The following MDGA2 variants were observed in gnomAD, a reference collection of about 807,000 sequenced individuals.
MDGA2 encodes MAM domain-containing glycosylphosphatidylinositol anchor protein 2.
Under a neutral mutation model 117.8 loss-of-function variants are expected in MDGA2, and 40 were observed. That is an observed-to-expected ratio of 0.34 (90% CI 0.26 to 0.44). MDGA2 has a LOEUF of 0.44. Ranked by LOEUF, MDGA2 falls within the 20% of genes least tolerant of loss-of-function variation. The probability of loss-of-function intolerance (pLI) is 1.00; values close to 1 mark genes in which losing one functional copy is unlikely to be tolerated. For missense variants in MDGA2, 1,123 were observed against 1,250.6 expected (o/e 0.90, Z 1.54); for synonymous variants, 452 against 439.0 (o/e 1.03, Z -0.37).
chr14:47,388,138 G>T (rs370206604), intron 1 of MDGA2, among the ~76,000 whole-genome samples: 4 of 136,670 alleles, frequency 2.9e-5, no homozygotes, highest in Admixed American at 7.4e-5. Context: ...TTATTGTTTT[G>T]ATTATTTGTA....
At chr14:47,359,381 AC>A (rs201484033) in intron 1 of MDGA2, among the ~76,000 whole-genome samples, 15 of 151,834 alleles carry the variant, frequency 9.9e-5, no homozygotes, top group South Asian at 8.3e-4. Context: ...AAACAAACAA[AC>A]AAAAAACATT....
At chr14:47,487,746 C>A (rs1458000196) in intron 1 of MDGA2, among the ~76,000 whole-genome samples, 1 of 151,964 alleles carries the variant, frequency 6.6e-6, no homozygotes, top group East Asian at 1.9e-4. Flanking sequence ...TGCATAATAC[C>A]TCCTTGTTGT....
At chr14:46,998,437 G>A (rs1185163000) in intron 8 of MDGA2, among the ~76,000 whole-genome samples, 1 of 151,992 alleles carries the variant, frequency 6.6e-6, no homozygotes, top group Admixed American at 6.6e-5. Flanking sequence ...TATATTATCT[G>A]GACATGTTTA....
chr14:47,639,317 A>G (rs1594957075), intron 1 of MDGA2, among the ~76,000 whole-genome samples: 1 of 152,112 alleles, frequency 6.6e-6, no homozygotes, highest in Non-Finnish European at 1.5e-5. Context: ...CATATTCACT[A>G]CCGCCTTACC....
chr14:47,493,062 A>T (rs979683499), intron 1 of MDGA2, among the ~76,000 whole-genome samples: 1 of 151,974 alleles, frequency 6.6e-6, no homozygotes, highest in Non-Finnish European at 1.5e-5. Context: ...TACCAGTATC[A>T]AAATAATACA....
chr14:47,548,892 A>T (rs1349396843), intron 1 of MDGA2, among the ~76,000 whole-genome samples: 1 of 152,094 alleles, frequency 6.6e-6, no homozygotes, highest in East Asian at 1.9e-4. Flanking sequence ...AAATGGTATC[A>T]CTACTTCAGA....
At chr14:47,389,606 C>CCACACACACCCA (rs1340137621) in intron 1 of MDGA2, among the ~76,000 whole-genome samples, 6 of 96,386 alleles carry the variant, frequency 6.2e-5, no homozygotes, top group African/African-American at 2.4e-4. Flanking sequence ...ACACACACAC[C>CCACACACACCCA]CACACACACA....
At chr14:47,306,299 A>G (rs1205734153) in intron 1 of MDGA2, among the ~76,000 whole-genome samples, 1 of 152,140 alleles carries the variant, frequency 6.6e-6, no homozygotes. Flanking sequence ...TTAATAGGAG[A>G]TAGTTTCTTG....
At chr14:47,335,117 C>T (rs1188264108) in intron 1 of MDGA2, among the ~76,000 whole-genome samples, 4 of 151,704 alleles carry the variant, frequency 2.6e-5, no homozygotes, top group East Asian at 3.9e-4. Flanking sequence ...CTACTAAATG[C>T]TAGCCCCTTA....
chr14:46,957,263 G>A (rs1441955424), intron 9 of MDGA2, 111 bp downstream of exon 9: 3 of 1,076,966 alleles, frequency 2.8e-6, no homozygotes, highest in South Asian at 1.7e-5. Context: ...GAGTCAAGCT[G>A]TTCTATGCTC....
At position 47,609,871 on chromosome 14, in the gene MDGA2, G is replaced by A. The variant is rs1027015767; in HGVS notation, c.280+64646C>T. On this transcript the variant is annotated intron_variant, in intron 1 of 16. Transcript: ENST00000399232. ...AACCCTCCCTAATTCATTCTATGAAGCCAGCATCACCCTAATGCTAAAACC... is the reference window on the plus strand; with the variant it reads ...AACCCTCCCTAATTCATTCTATGAAACCAGCATCACCCTAATGCTAAAACC... Among the ~76,000 whole-genome samples, 3 of 151,882 alleles carry A rather than the reference G, an allele frequency of 2.0e-5. No homozygotes were observed. The East Asian group carries it at 5.8e-4, about 30-fold the overall frequency.
In MDGA2 at chr14:47,385,116, T is replaced by C. The variant is rs551252180; in HGVS notation, c.281-83566A>G. Among the ~76,000 whole-genome samples, 17 of 152,278 alleles carry C rather than the reference T, an allele frequency of 1.1e-4. No homozygotes were observed. In the South Asian group the frequency reaches 3.5e-3, roughly 32 times the overall value. On this transcript the variant is annotated intron_variant, in intron 1 of 16. Coordinates refer to ENST00000399232, the MANE Select transcript of MDGA2 (RefSeq NM_001113498.3). ...ATAATACTGACCAATTTTACATATATGATGTATATCTAATAATAAAACCAA... is the reference window on the plus strand; with the variant it reads ...ATAATACTGACCAATTTTACATATACGATGTATATCTAATAATAAAACCAA...
chr14:47,020,377 C>T (rs1321001977), intron 8 of MDGA2, among the ~76,000 whole-genome samples: 1 of 152,118 alleles, frequency 6.6e-6, no homozygotes, highest in Non-Finnish European at 1.5e-5. Flanking sequence ...TGGGACCAAA[C>T]ATATTTCATA....
chr14:47,000,598 A>G (rs1887496802), intron 8 of MDGA2, among the ~76,000 whole-genome samples: 1 of 151,028 alleles, frequency 6.6e-6, no homozygotes, highest in Admixed American at 6.7e-5. Flanking sequence ...AATGATTATA[A>G]AGTTTTAGGA....
At chr14:47,343,050 T>G (rs766583565) in intron 1 of MDGA2, 103 of 1,286,036 alleles carry the variant, frequency 8.0e-5, no homozygotes, top group Non-Finnish European at 9.5e-5. Flanking sequence ...CTACCGTGAG[T>G]CCTGCGGCAG....
intron 3 of MDGA2, among the ~76,000 whole-genome samples, chr14:47,185,492 T>C (rs1018004110): frequency 2.0e-5 from 3 of 151,530 alleles, no homozygotes; most frequent in Non-Finnish European, 4.4e-5. Context: ...ATATATATAC[T>C]ATAAACATTT....
At chr14:47,344,674 T>G (rs1890724287) in intron 1 of MDGA2, among the ~76,000 whole-genome samples, 1 of 152,076 alleles carries the variant, frequency 6.6e-6, no homozygotes, top group Non-Finnish European at 1.5e-5. Context: ...TATCTGTGGA[T>G]AGAATATTAA....
chr14:47,279,939 T>C (rs1296943722), intron 2 of MDGA2, among the ~76,000 whole-genome samples: 1 of 152,070 alleles, frequency 6.6e-6, no homozygotes, highest in South Asian at 2.1e-4. Flanking sequence ...GGCACAATCA[T>C]AGCTCTCTAT....
intron 1 of MDGA2, among the ~76,000 whole-genome samples, chr14:47,344,250 C>T (rs17118371): frequency 0.23 from 35,273 of 152,070 alleles, 4,229 homozygotes; most frequent in African/African-American, 0.25. Flanking sequence ...GCTGTATTGT[C>T]AGGACAAATG....
Sources: allele counts gnomAD v4.1 joint callset (sites outside exome capture counted in the v4.1 genomes callset), GRCh38; gene constraint gnomAD v4.1.1; transcripts MANE v1.5; gene names NCBI Gene and HGNC (gene_info 2026-07-23, HGNC 2026-07-21).